Variants in CRYBG2 observed in about 807,000 individuals in gnomAD.
CRYBG2 encodes crystallin beta-gamma domain containing 2.
Under a neutral mutation model 153.4 loss-of-function variants are expected in CRYBG2, and 106 were observed. The observed-to-expected ratio is 0.69, with a 90% CI of 0.59 to 0.81. The LOEUF (loss-of-function observed/expected upper bound fraction) is 0.81. Ranked by LOEUF, CRYBG2 falls within the 30% of genes least tolerant of loss-of-function variation. The pLI, the probability that CRYBG2 is intolerant of heterozygous loss-of-function variation, is 0.00. For synonymous variants in CRYBG2, 851 were observed against 877.8 expected (o/e 0.97, Z 0.54); for missense variants, 1,996 against 2,112.0 (o/e 0.95, Z 1.08).
At chr1:26,339,517 G>A in intron 5 of CRYBG2, 88 bp from the exon 6 acceptor site, 1 of 1,455,828 alleles carries the variant, frequency 6.9e-7, no homozygotes, top group African/African-American at 1.4e-5. Flanking sequence ...GGAGGCCGAG[G>A]CGGGCAGATC....
chr1:26,352,150 C>T (rs1411815089), intron 1 of CRYBG2, among the ~76,000 whole-genome samples: 2 of 152,152 alleles, frequency 1.3e-5, no homozygotes, highest in African/African-American at 2.4e-5. Context: ...AACCAGTCCA[C>T]AGGCCCACAT....
chr1:26,328,061 G>T, intron 17 of CRYBG2, 148 bp downstream of exon 17: 2 of 1,087,316 alleles, frequency 1.8e-6, no homozygotes, highest in Non-Finnish European at 2.5e-6. Context: ...AGTAGACAAT[G>T]GCTCAAGAGG....
chr1:26,335,417 C>T (rs1187538980), intron 14 of CRYBG2, among the ~76,000 whole-genome samples: 2 of 152,002 alleles, frequency 1.3e-5, no homozygotes, highest in African/African-American at 2.4e-5. Flanking sequence ...GCGGAGGTTG[C>T]GGTGAGCTGA....
chr1:26,334,083 C>T (rs1248582116), intron 14 of CRYBG2, among the ~76,000 whole-genome samples: 1 of 152,110 alleles, frequency 6.6e-6, no homozygotes, highest in East Asian at 1.9e-4. Context: ...GCTGGGATTA[C>T]AGGCATGAGC....
Position 26,336,829 on chromosome 1 carries a change from C to CAGCGGCGTG in CRYBG2, c.3911+11_3911+12insCACGCCGCT. Reference sequence around the variant, plus strand: ...CCGGGCCCGCCCCGCTCCCGGAGCCCGGGTCACTTACACGCCGCTGAGCAC... The same window carrying CAGCGGCGTG: ...CCGGGCCCGCCCCGCTCCCGGAGCCCAGCGGCGTGGGGTCACTTACACGCCGCTGAGCAC... On this transcript the variant is annotated intron_variant, in intron 11 of 19. Transcript: ENST00000308182. The surrounding 1 kb of genome is among the most constrained non-coding windows in gnomAD (Gnocchi z 4.9). 6.3e-7 allele frequency: 1 copy of CAGCGGCGTG among 1,579,620 alleles called. No individual in the cohort carries two copies. Among genetic ancestry groups the CAGCGGCGTG allele is most frequent in the Non-Finnish European group, 8.6e-7 (1 of 1,164,394 alleles).
At position 26,346,010 on chromosome 1, in the gene CRYBG2, C is replaced by G. The variant is rs1349809858; in HGVS notation, c.648G>C (p.Met216Ile). Reference sequence around the variant, plus strand: ...GGGAGCCCACCACCACTGGCGGCACCATGCGGGAGACCTGACGGCCCCGTG... The same window carrying G: ...GGGAGCCCACCACCACTGGCGGCACGATGCGGGAGACCTGACGGCCCCGTG... ...ALPRGRQVSR[M>I]VPPVVVGSPP... is the part of the protein sequence containing the mutation. Residue 216 changes from methionine to isoleucine, a missense_variant, in exon 2 of 20, where the codon ATG (methionine) becomes ATC (isoleucine). Physicochemically the swap from Met to Ile is conservative, Grantham distance 10 (BLOSUM62 1). Coordinates refer to ENST00000308182, the MANE Select transcript of CRYBG2 (RefSeq NM_001039775.4). The surrounding 1 kb of genome is among the most constrained non-coding windows in gnomAD (Gnocchi z 4.9). 3 of 1,593,780 alleles carry G rather than the reference C, an allele frequency of 1.9e-6. No homozygotes were observed. In the South Asian group the frequency reaches 3.3e-5, roughly 18 times the overall value.
intron 1 of CRYBG2, among the ~76,000 whole-genome samples, chr1:26,351,943 G>A (rs1435307120): frequency 6.6e-6 from 1 of 152,132 alleles, no homozygotes; most frequent in Non-Finnish European, 1.5e-5. Context: ...GCCATTCCCA[G>A]AGCCCTTTCT....
At position 26,345,368 on chromosome 1, in the gene CRYBG2, G is replaced by A. The variant is rs781729164; in HGVS notation, c.1290C>T (p.Val430=). 1 of 1,613,322 alleles carries A rather than the reference G, an allele frequency of 6.2e-7. No individual in the cohort carries two copies. Among genetic ancestry groups the A allele is most frequent in the Non-Finnish European group, 8.5e-7 (1 of 1,179,848 alleles). ...GAGCAGAAAGACCTCCTGGGCTGGG[G>A]ACATCCTTCCTTCTTGTAGTGGATG... The part of the protein sequence containing the change: ...PAPSTTRRKD[V]PSPGGLSAPS... The change falls in exon 2 of 20, where the codon GTC becomes GTT. Residue 430 remains valine (V), a synonymous_variant. Transcript: ENST00000308182.
chr1:26,332,512 G>T (rs116807082), intron 14 of CRYBG2, among the ~76,000 whole-genome samples: 2,476 of 151,882 alleles, frequency 0.016, 75 homozygotes, highest in African/African-American at 0.057. Flanking sequence ...TGTTATTGTT[G>T]TTGTTGTTGT....
Position 26,342,813 on chromosome 1 carries a change from T to C in CRYBG2, c.3145A>G (p.Arg1049Gly). The change falls in exon 5 of 20, where the codon AGA (arginine) becomes GGA (glycine). Residue 1049 changes from arginine (R) to glycine (G), a missense_variant. Transcript: ENST00000308182. ...LVLPEGDMELRTPGTKWSPQG... is the reference protein window; with the variant it reads ...LVLPEGDMELGTPGTKWSPQG... ...GGACTCCACTTTGTCCCTGGGGTTC[T>C]GAGTTCCATGTCTCCTTCAGGCAGG... The C allele has an allele frequency of 6.2e-7, 1 of 1,614,170 alleles. No homozygotes were observed. Among genetic ancestry groups the C allele is most frequent in the Non-Finnish European group, 8.5e-7 (1 of 1,180,010 alleles).
chr1:26,332,919 T>C (rs2074013786), intron 14 of CRYBG2, among the ~76,000 whole-genome samples: 1 of 147,734 alleles, frequency 6.8e-6, no homozygotes. Flanking sequence ...AAAATATAAA[T>C]ATTTGGCTTC....
intron 17 of CRYBG2, chr1:26,326,540 C>CAA (rs140765637): frequency 1.8e-4 from 19 of 103,178 alleles, no homozygotes; most frequent in South Asian, 6.7e-4. Context: ...GACTCTGTCT[C>CAA]AAAAAAAAAA....
chr1:26,338,521 C>A (rs2074090655), intron 6 of CRYBG2, 44 bp from the exon 7 acceptor site: 7 of 1,533,798 alleles, frequency 4.6e-6, no homozygotes, highest in Non-Finnish European at 6.1e-6. Context: ...AGAGAGACTT[C>A]AAGGGACACA....
Position 26,345,458 on chromosome 1 carries a change from A to T in CRYBG2, c.1200T>A (p.Pro400=). Residue 400 remains proline, a synonymous_variant, in exon 2 of 20, where the codon CCT becomes CCA. Transcript: ENST00000308182. ...TCACCATGGGCAGGACGGTGGCAGCAGGGGGGTCCACGGGCCCGTCCTTTT... is the reference window on the plus strand; with the variant it reads ...TCACCATGGGCAGGACGGTGGCAGCTGGGGGGTCCACGGGCCCGTCCTTTT... The part of the protein sequence containing the change: ...PKKKDGPVDP[P]AATVLPMVRS... The T allele has an allele frequency of 6.3e-7, 1 of 1,598,778 alleles. No individual in the cohort carries two copies. Among genetic ancestry groups the T allele is most frequent in the Non-Finnish European group, 8.5e-7 (1 of 1,171,402 alleles).
Position 26,325,497 on chromosome 1 carries a change from T to G in CRYBG2, c.4579-1187A>C, listed in dbSNP as rs533092225. On this transcript the variant is annotated intron_variant, in intron 17 of 19. Coordinates refer to ENST00000308182, the MANE Select transcript of CRYBG2 (RefSeq NM_001039775.4). The surrounding 1 kb of genome is among the most constrained non-coding windows in gnomAD (Gnocchi z 4.1). ...ATCGCTTGAACCCGGGAGATGTAGG[T>G]TGCAGTGAGCCGAGATCACACCACT... Among the ~76,000 whole-genome samples the G allele has an allele frequency of 1.2e-3, 184 of 151,006 alleles. No homozygotes were observed. The highest frequency in any genetic ancestry group is 4.4e-3 in the African/African-American group (179 of 41,030).
rs777663021 is a variant in CRYBG2 at position 26,338,464 on chromosome 1, G to A, written c.3358C>T (p.Pro1120Ser). 1.2e-6 allele frequency: 2 copies of A among 1,609,360 alleles called. No homozygotes were observed. Among genetic ancestry groups the A allele is most frequent in the South Asian group, 1.1e-5 (1 of 90,238 alleles). The change falls in exon 7 of 20, where the codon CCC (proline) becomes TCC (serine). Residue 1120 changes from proline to serine, a missense_variant. Physicochemically the swap from Pro to Ser is moderately conservative, Grantham distance 74. Transcript: ENST00000308182. ...TVSAGLWLLY[P>S]KPLFEDTPYI... Reference sequence around the variant, plus strand: ...GGAGTGTCTTCGAATAATGGTTTGGGGTACAGTAGCCACCTAGGGGAAACA... The same window carrying A: ...GGAGTGTCTTCGAATAATGGTTTGGAGTACAGTAGCCACCTAGGGGAAACA...
rs769662401 is a variant in CRYBG2, at chr1:26,345,506, A to T, written c.1152T>A (p.Thr384=). ...TTTTTTTAGGGGGCAGAACAAGGGG[A>T]GTGAGCCGGGCCCCGGGGTGAGTGG... The part of the protein sequence containing the change: ...VVPTHPGARL[T]PLVLPPKKKD... Residue 384 remains threonine, a synonymous_variant, in exon 2 of 20, where the codon ACT becomes ACA. Transcript: ENST00000308182. The T allele has an allele frequency of 5.0e-6, 8 of 1,592,972 alleles. No homozygotes were observed. The highest frequency in any genetic ancestry group is 6.8e-6 in the Non-Finnish European group (8 of 1,168,250).
rs558309015 is a variant in CRYBG2, at chr1:26,348,643, C to T, written c.-55-1931G>A. On this transcript the variant is annotated intron_variant, in intron 1 of 19. Coordinates refer to ENST00000308182, the MANE Select transcript of CRYBG2 (RefSeq NM_001039775.4). The stretch of plus-strand genomic sequence containing the variant: ...CGATCTCAGCCTACTGCAACCTCCT[C>T]CTCCCAGGTTCAAGCGATTCTCCTG... 5.9e-5 allele frequency among the ~76,000 whole-genome samples: 9 copies of T among 152,154 alleles called. No homozygotes were observed. The South Asian group carries it at 1.9e-3, about 32-fold the overall frequency.
chr1:26,323,379 C>A (rs1351538578), intron 18 of CRYBG2, among the ~76,000 whole-genome samples: 1 of 152,144 alleles, frequency 6.6e-6, no homozygotes, highest in Non-Finnish European at 1.5e-5. Flanking sequence ...GCCACTGCAC[C>A]TGGCCTATTC....
Sources: gnomAD v4.1 joint callset for allele counts (sites outside exome capture counted in the v4.1 genomes callset) on GRCh38, gnomAD v4.1.1 for gene constraint, Gnocchi (gnomAD v3.1) non-coding constraint, MANE v1.5 for transcripts, NCBI Gene and HGNC (gene_info 2026-07-23, HGNC 2026-07-21) for gene names.